CDON: variants seen among roughly 807,000 people sequenced by gnomAD.
CDON encodes the protein cell adhesion associated, oncogene regulated, also known as cell adhesion molecule-related/down-regulated by oncogenes.
Under a neutral mutation model 120.9 loss-of-function variants are expected in CDON, and 73 were observed. The observed-to-expected ratio is 0.60, with a 90% confidence interval of 0.50 to 0.73. The LOEUF (loss-of-function observed/expected upper bound fraction) is 0.73. Ranked by LOEUF, CDON falls within the 30% of genes least tolerant of loss-of-function variation. The probability of loss-of-function intolerance (pLI) is 0.00; values close to 1 mark genes in which losing one functional copy is unlikely to be tolerated. For missense variants in CDON, 1,470 were observed against 1,587.3 expected, an observed-to-expected ratio of 0.93 and a Z score of 1.26; for synonymous variants, 566 against 573.5, an observed-to-expected ratio of 0.99 and a Z score of 0.19.
At chr11:125,992,174 C>G (rs142408580) in intron 14 of CDON, among the ~76,000 whole-genome samples, 54 of 152,162 alleles carry the variant, frequency 3.5e-4, no homozygotes, top group African/African-American at 1.2e-3. Flanking sequence ...TCTGACGTCC[C>G]CACTGCCCTA....
intron 11 of CDON, among the ~76,000 whole-genome samples, chr11:125,998,599 C>T (rs1946854181): frequency 6.6e-6 from 1 of 152,172 alleles, no homozygotes; most frequent in Non-Finnish European, 1.5e-5. Context: ...ATTACCCAGC[C>T]TCACGTATTC....
chr11:126,001,767 T>C lies in CDON; in HGVS notation c.2110A>G (p.Asn704Asp). The change falls in exon 11 of 20, where the codon AAC becomes GAC. Residue 704 changes from asparagine (N) to aspartate (D), a missense_variant. Transcript: ENST00000531738. Reference protein sequence around the residue: ...PKYPVVSEAANNNFGVVLTDS... With the variant: ...PKYPVVSEAADNNFGVVLTDS... Reference sequence around the variant, plus strand: ...GTAAGTACCACTCCAAAATTGTTGTTTGCAGCCTCTGAAACAACGGGATAC... The same window carrying C: ...GTAAGTACCACTCCAAAATTGTTGTCTGCAGCCTCTGAAACAACGGGATAC... 6.2e-7 allele frequency: 1 copy of C among 1,613,782 alleles called. No homozygotes were observed. The highest frequency in any genetic ancestry group is 8.5e-7 in the Non-Finnish European group (1 of 1,179,672).
rs192799430 is a variant in CDON, at chr11:125,980,156, T to C, written c.3276+893A>G. On this transcript the variant is annotated intron_variant, in intron 17 of 19. Coordinates refer to ENST00000531738, the MANE Select transcript of CDON (RefSeq NM_001378964.1). The stretch of plus-strand genomic sequence containing the variant: ...AAATTATCTATTTGATCAAAAGTAA[T>C]ATAGATGTGCATCCAAACAATGTCA... 7.6e-4 allele frequency among the ~76,000 whole-genome samples: 115 copies of C among 152,280 alleles called. 4 individuals are homozygous for C. In the East Asian group the frequency reaches 0.014, roughly 19 times the overall value.
Position 125,994,294 on chromosome 11 carries a change from A to G in CDON, c.2640T>C (p.Asp880=). 1 of 1,579,640 alleles carries G rather than the reference A, an allele frequency of 6.3e-7. No homozygotes were observed. The highest frequency in any genetic ancestry group is 8.7e-7 in the Non-Finnish European group (1 of 1,148,926). ...TGCCAGGGGACTTACCTTCTACAAC[A>G]TCCCTCTTGTAATCACTGTCATTGT... ...DSDNDSDYKR[D]VVEGSKQWHM... is the part of the protein sequence containing the mutation. The change falls in exon 14 of 20, where the codon GAT becomes GAC. Residue 880 remains aspartate (D), a synonymous_variant. Coordinates refer to ENST00000531738, the MANE Select transcript of CDON (RefSeq NM_001378964.1).
intron 6 of CDON, among the ~76,000 whole-genome samples, 174 bp downstream of exon 6, chr11:126,016,914 C>T (rs1028947352): frequency 2.0e-5 from 3 of 151,930 alleles, no homozygotes; most frequent in Non-Finnish European, 4.4e-5. Flanking sequence ...TCTATGCCAC[C>T]CAGAAAAATG....
At position 125,956,845 on chromosome 11, in the gene CDON, T is replaced by C. The variant is rs886047941; in HGVS notation, c.*4097A>G. The C allele has an allele frequency of 1.0e-6, 1 of 986,666 alleles. No homozygotes were observed. Among genetic ancestry groups the C allele is most frequent in the South Asian group, 4.7e-5 (1 of 21,334 alleles). The allele number at this position is 986,666 out of a possible 1,614,324, so 61.1% of individuals were successfully genotyped here. The stretch of plus-strand genomic sequence containing the variant: ...CTGTGGTTCTCACAGAGTTAGACTT[T>C]ATTAGATAAGGGGTTTCGGCTACCC... On this transcript the variant is annotated 3_prime_UTR_variant, in exon 20 of 20. Coordinates refer to ENST00000531738, the MANE Select transcript of CDON (RefSeq NM_001378964.1).
chr11:126,027,066 T>G (rs1346584648), intron 1 of CDON, among the ~76,000 whole-genome samples: 1 of 152,216 alleles, frequency 6.6e-6, no homozygotes, highest in African/African-American at 2.4e-5. Flanking sequence ...AGTCTATCTT[T>G]CTATTGGGTT....
intron 1 of CDON, among the ~76,000 whole-genome samples, chr11:126,052,560 C>T (rs929540079): frequency 6.6e-6 from 1 of 152,158 alleles, no homozygotes; most frequent in East Asian, 1.9e-4. Context: ...TGGTGGCTCA[C>T]GCCTGTAATC....
At chr11:126,041,794 G>C (rs1948269976) in intron 1 of CDON, among the ~76,000 whole-genome samples, 1 of 152,168 alleles carries the variant, frequency 6.6e-6, no homozygotes, top group East Asian at 1.9e-4. Context: ...TAAACAGTCT[G>C]CCACAATGCT....
At chr11:126,021,594 C>T in intron 2 of CDON, 74 bp from the exon 3 acceptor site, 1 of 1,249,724 alleles carries the variant, frequency 8.0e-7, no homozygotes, top group Non-Finnish European at 1.2e-6. Flanking sequence ...TTACATTAAA[C>T]ACATTTCATC....
At chr11:126,027,371 ACT>A (rs970120238) in intron 1 of CDON, among the ~76,000 whole-genome samples, 23 of 152,214 alleles carry the variant, frequency 1.5e-4, no homozygotes, top group Admixed American at 1.4e-3. Flanking sequence ...CATTAGTACT[ACT>A]GGAAAATCTT....
chr11:125,993,279 G>A (rs1415718821), intron 14 of CDON, among the ~76,000 whole-genome samples: 3 of 152,134 alleles, frequency 2.0e-5, no homozygotes, highest in Non-Finnish European at 4.4e-5. Flanking sequence ...AGCAGTGGGA[G>A]AAAAGGTCCT....
chr11:125,966,028 T>A (rs1945788072), intron 18 of CDON, among the ~76,000 whole-genome samples: 1 of 151,640 alleles, frequency 6.6e-6, no homozygotes, highest in African/African-American at 2.4e-5. Context: ...TCCCAGCTAC[T>A]CAGGAGGCTG....
At chr11:125,985,330 C>A (rs916591481) in intron 15 of CDON, among the ~76,000 whole-genome samples, 9 of 152,262 alleles carry the variant, frequency 5.9e-5, no homozygotes, top group Admixed American at 5.2e-4. Context: ...TGTGCCCCCA[C>A]GCACGGATAA....
chr11:125,982,307 C>T (rs993759642), intron 16 of CDON, among the ~76,000 whole-genome samples: 8 of 152,132 alleles, frequency 5.3e-5, no homozygotes, highest in African/African-American at 1.9e-4. Flanking sequence ...ATACAAATGA[C>T]TGCCTCAAAA....
chr11:125,981,970 CTTTTTTTTTTT>C (rs61446837), intron 16 of CDON, among the ~76,000 whole-genome samples: 21 of 54,294 alleles, frequency 3.9e-4, no homozygotes, highest in East Asian at 6.1e-4. Context: ...ATTCTATTTT[CTTTTTTTTTTT>C]TTTTTTTTTT....
At position 125,960,760 on chromosome 11, in the gene CDON, A is replaced by C; in HGVS notation, c.*182T>G. 1 of 643,366 alleles carries C rather than the reference A, an allele frequency of 1.6e-6. No individual in the cohort carries two copies. Among genetic ancestry groups the C allele is most frequent in the Non-Finnish European group, 2.8e-6 (1 of 361,684 alleles). The allele number at this position is 643,366 out of a possible 1,614,324, so 39.9% of individuals were successfully genotyped here. A position where few individuals can be genotyped will look rare whatever the true frequency, so the allele number is the denominator to read the frequency against. ...GGAAGGAATGGGGAAGAAAACATTT[A>C]AGGCATAAATAATATAAAAGGGCAC... On this transcript the variant is annotated 3_prime_UTR_variant, in exon 20 of 20. Coordinates refer to ENST00000531738, the MANE Select transcript of CDON (RefSeq NM_001378964.1).
At chr11:126,050,150 T>C (rs561261617) in intron 1 of CDON, among the ~76,000 whole-genome samples, 13 of 151,516 alleles carry the variant, frequency 8.6e-5, no homozygotes, top group African/African-American at 2.9e-4. Flanking sequence ...TGCGCTTCAA[T>C]GTTTTCCATT....
At chr11:126,050,477 C>T (rs972330430) in intron 1 of CDON, among the ~76,000 whole-genome samples, 1 of 148,242 alleles carries the variant, frequency 6.7e-6, no homozygotes, top group Admixed American at 6.9e-5. Flanking sequence ...CAATCTCATA[C>T]ATTTCCTGTA....
Sources: allele counts gnomAD v4.1 joint callset (sites outside exome capture counted in the v4.1 genomes callset), GRCh38; gene constraint gnomAD v4.1.1; transcripts MANE v1.5; gene names NCBI Gene and HGNC (gene_info 2026-07-23, HGNC 2026-07-21).